Variants in TEX9 observed in about 807,000 individuals in gnomAD.
The protein encoded by TEX9 is testis-expressed protein 9.
In TEX9, 74 loss-of-function variants were observed where a neutral mutation model predicts 59.6. The ratio of observed to expected loss-of-function variants is 1.24; its 90% CI spans 1.03 to 1.51. The LOEUF (loss-of-function observed/expected upper bound fraction) is 1.51. Among genes scored for constraint, TEX9 ranks in the 40% most tolerant of loss-of-function variants. TEX9 has a pLI of 0.00. For synonymous variants in TEX9, 186 were observed against 152.2 expected, an observed-to-expected ratio of 1.22 and a Z score of -1.64; for missense variants, 522 against 447.8, an observed-to-expected ratio of 1.17 and a Z score of -1.49.
At chr15:56,304,032 G>A (rs1294234666) in intron 1 of TEX9, among the ~76,000 whole-genome samples, 1 of 152,164 alleles carries the variant, frequency 6.6e-6, no homozygotes, top group Admixed American at 6.5e-5. Flanking sequence ...AAAAGCATGG[G>A]ATTTTATGGC....
At chr15:56,261,542 A>C (rs900863277) in intron 1 of TEX9, among the ~76,000 whole-genome samples, 1 of 152,044 alleles carries the variant, frequency 6.6e-6, no homozygotes, top group Non-Finnish European at 1.5e-5. Context: ...ACATGGCGAA[A>C]CCTCATCTCT....
chr15:56,451,895 A>T, the TEX9 span, among the ~76,000 whole-genome samples: 1 of 152,156 alleles, frequency 6.6e-6, no homozygotes, highest in Admixed American at 6.6e-5. Context: ...TTTATTACTT[A>T]CGTCTAGTTT....
intron 1 of TEX9, among the ~76,000 whole-genome samples, chr15:56,346,936 G>GT (rs2046482224): frequency 6.6e-6 from 1 of 152,156 alleles, no homozygotes; most frequent in Non-Finnish European, 1.5e-5. Context: ...TACTAGCAAT[G>GT]AACACTTGGG....
chr15:56,405,234 G>A (rs115533400), intron 9 of TEX9, among the ~76,000 whole-genome samples: 2,015 of 151,890 alleles, frequency 0.013, 41 homozygotes, highest in African/African-American at 0.047. Context: ...GCGTGAAACC[G>A]GGAGGGAGCT....
intron 9 of TEX9, chr15:56,397,695 TG>T (rs2048547110): frequency 6.6e-6 from 1 of 152,262 alleles, no homozygotes; most frequent in Non-Finnish European, 1.5e-5. Flanking sequence ...AATTCCCATG[TG>T]TTGTGGGAGG....
chr15:56,345,811 G>A (rs1035331166), intron 1 of TEX9, among the ~76,000 whole-genome samples: 2 of 152,150 alleles, frequency 1.3e-5, no homozygotes, highest in African/African-American at 2.4e-5. Flanking sequence ...ATAGCTTTGG[G>A]GCAAGGAACA....
chr15:56,368,031 A>G (rs2047024823), intron 2 of TEX9, among the ~76,000 whole-genome samples: 1 of 152,130 alleles, frequency 6.6e-6, no homozygotes, highest in Non-Finnish European at 1.5e-5. Flanking sequence ...TTCCCGTGTG[A>G]TATGGAATAG....
At chr15:56,299,488 G>T (rs1373677442) in intron 1 of TEX9, among the ~76,000 whole-genome samples, 1 of 152,142 alleles carries the variant, frequency 6.6e-6, no homozygotes, top group Non-Finnish European at 1.5e-5. Context: ...GTCAAATCCT[G>T]GTGCTGTTCT....
chr15:56,394,014 T>G, intron 7 of TEX9, 151 bp from the exon 8 acceptor site: 2 of 553,500 alleles, frequency 3.6e-6, no homozygotes, highest in East Asian at 7.1e-5. Flanking sequence ...TCATTAGGAC[T>G]GTTGAGTACC....
intron 1 of TEX9, among the ~76,000 whole-genome samples, chr15:56,338,063 C>T (rs2046291815): frequency 6.6e-6 from 1 of 152,116 alleles, no homozygotes; most frequent in Non-Finnish European, 1.5e-5. Flanking sequence ...TTTTCCTTCC[C>T]TGCTAGTCCT....
chr15:56,439,997 T>G (rs2050792470), intron 12 of TEX9, among the ~76,000 whole-genome samples: 1 of 152,034 alleles, frequency 6.6e-6, no homozygotes, highest in African/African-American at 2.4e-5. Flanking sequence ...GAAGAAACTA[T>G]TTGCTAACCA....
At chr15:56,436,555 C>G (rs1268230422) in intron 12 of TEX9, among the ~76,000 whole-genome samples, 7 of 151,776 alleles carry the variant, frequency 4.6e-5, no homozygotes, top group South Asian at 2.1e-4. Context: ...AACTAGAGAA[C>G]CAAGAGCAAA....
intron 1 of TEX9, among the ~76,000 whole-genome samples, chr15:56,251,254 AATGCCTCTAATT>A (rs1195056730): frequency 1.3e-5 from 2 of 152,078 alleles, no homozygotes; most frequent in African/African-American, 2.4e-5. Context: ...CTCCGTTTAA[AATGCCTCTAATT>A]ATGCCTGTAG....
At chr15:56,375,991 T>C (rs994243696) in intron 3 of TEX9, among the ~76,000 whole-genome samples, 1 of 150,102 alleles carries the variant, frequency 6.7e-6, no homozygotes, top group Non-Finnish European at 1.5e-5. Flanking sequence ...AATTGCTGCA[T>C]ATTCTCACTC....
chr15:56,387,760 G>C lies in TEX9; in HGVS notation c.264-712G>C, dbSNP rs145267609. ...TTTAGATTTGTGGGCTGTATAGTCT[G>C]TTGTACCTGCTTAACTTTAAGGTTG... On this transcript the variant is annotated intron_variant, in intron 4 of 12. Transcript: ENST00000352903. Among the ~76,000 whole-genome samples, 364 of 152,034 alleles carry C rather than the reference G, an allele frequency of 2.4e-3. 7 individuals are homozygous for C. The highest frequency in any genetic ancestry group is 8.3e-3 in the African/African-American group (344 of 41,492).
chr15:56,311,282 A>C (rs2045608029), intron 1 of TEX9, among the ~76,000 whole-genome samples: 2 of 111,870 alleles, frequency 1.8e-5, no homozygotes, highest in Non-Finnish European at 1.8e-5. Context: ...TCCCAATGCT[A>C]TCCCTCCCCC....
intron 3 of TEX9, among the ~76,000 whole-genome samples, chr15:56,378,874 T>C (rs1321886652): frequency 2.0e-5 from 3 of 152,024 alleles, no homozygotes; most frequent in African/African-American, 7.2e-5. Context: ...GAGACCAGCC[T>C]GGGCAACATG....
At chr15:56,449,709 G>A (rs1191053461), downstream of TEX9, among the ~76,000 whole-genome samples, 1 of 152,170 alleles carries the variant, frequency 6.6e-6, no homozygotes, top group East Asian at 1.9e-4. Flanking sequence ...TGTGGACAAG[G>A]TTAAATTACA....
At chr15:56,348,060 G>C (rs2046505941) in intron 1 of TEX9, among the ~76,000 whole-genome samples, 1 of 152,046 alleles carries the variant, frequency 6.6e-6, no homozygotes, top group Non-Finnish European at 1.5e-5. Flanking sequence ...TCTGTACCTT[G>C]TCTGTATCGA....
Sources: allele counts gnomAD v4.1 joint callset (sites outside exome capture counted in the v4.1 genomes callset), GRCh38; gene constraint gnomAD v4.1.1; transcripts MANE v1.5; gene names NCBI Gene and HGNC (gene_info 2026-07-23, HGNC 2026-07-21).